The following BSN variants were observed in gnomAD, a reference collection of about 807,000 sequenced individuals.
BSN encodes bassoon presynaptic cytomatrix protein.
BSN carries 57 observed loss-of-function variants against 264.8 expected under a neutral mutation model. The observed-to-expected ratio is 0.22, with a 90% CI of 0.17 to 0.27. The LOEUF (loss-of-function observed/expected upper bound fraction) is 0.27, where lower values mean the gene tolerates loss of function less well. BSN is among the 10% of genes least tolerant of loss of function. BSN has a pLI of 1.00. For synonymous variants in BSN, 2,059 were observed against 2,137.3 expected, an observed-to-expected ratio of 0.96 and a Z score of 1.01; for missense variants, 4,615 against 5,232.5, an observed-to-expected ratio of 0.88 and a Z score of 3.64.
rs1441418072 is a variant in BSN at position 49,652,261 on chromosome 3, C to G, written c.2705C>G (p.Thr902Ser). Residue 902 changes from threonine to serine, a missense_variant, in exon 5 of 12, where the codon ACC becomes AGC. This residue lies in a region of BSN where 1,197 missense variants were observed against 1,348.0 expected (regional missense o/e 0.89). Transcript: ENST00000296452. ...AAGAGGCGCCTGCCCCACAATGCCACCACGGGCTATGAGGAGCTGCTCCCT... is the reference window on the plus strand; with the variant it reads ...AAGAGGCGCCTGCCCCACAATGCCAGCACGGGCTATGAGGAGCTGCTCCCT... ...LPKRRLPHNA[T>S]TGYEELLPEG... 6.2e-7 allele frequency: 1 copy of G among 1,603,010 alleles called. No individual in the cohort carries two copies. Among genetic ancestry groups the G allele is most frequent in the African/African-American group, 1.3e-5 (1 of 74,554 alleles).
Position 49,654,292 on chromosome 3 carries a change from C to T in BSN, c.4736C>T (p.Ser1579Phe). The T allele has an allele frequency of 1.9e-6, 3 of 1,613,684 alleles. No homozygotes were observed. Among genetic ancestry groups the T allele is most frequent in the Middle Eastern group, 1.7e-4 (1 of 6,060 alleles). ...TRMVHASAST[S>F]PLCSPTETQP... Reference sequence around the variant, plus strand: ...ATGGTACATGCCAGTGCCTCCACCTCCCCGCTCTGCTCACCTACTGAAACC... The same window carrying T: ...ATGGTACATGCCAGTGCCTCCACCTTCCCGCTCTGCTCACCTACTGAAACC... The change falls in exon 5 of 12, where the codon TCC becomes TTC. Residue 1579 changes from serine (S) to phenylalanine (F), a missense_variant. By Grantham distance (155) the Ser-to-Phe change is radical (BLOSUM62 -2). Around this residue, in one of 3 missense-constraint regions of BSN, gnomAD observed 3,415 missense variants for 3,866.4 expected, o/e 0.88. Transcript: ENST00000296452. This position sits in a 1 kb window ranked among gnomAD's most constrained non-coding sequence, Gnocchi z 4.1.
At chr3:49,589,155 G>A (rs1016551324) in intron 1 of BSN, among the ~76,000 whole-genome samples, 3 of 146,320 alleles carry the variant, frequency 2.1e-5, no homozygotes, top group East Asian at 4.1e-4. Context: ...CTTGTGATCC[G>A]CCCGCCTCGG....
intron 1 of BSN, among the ~76,000 whole-genome samples, chr3:49,579,666 C>A (rs2051879415): frequency 6.6e-6 from 1 of 151,990 alleles, no homozygotes; most frequent in Non-Finnish European, 1.5e-5. Flanking sequence ...CATGATCCAC[C>A]AGCCTCGGCC....
At chr3:49,636,255 C>T (rs918004380) in intron 2 of BSN, among the ~76,000 whole-genome samples, 1 of 152,000 alleles carries the variant, frequency 6.6e-6, no homozygotes, top group South Asian at 2.1e-4. Context: ...GATAAAGGGG[C>T]CTGGAGGGAG....
chr3:49,592,804 T>G (rs1405543197), intron 1 of BSN, among the ~76,000 whole-genome samples: 1 of 152,052 alleles, frequency 6.6e-6, no homozygotes, highest in African/African-American at 2.4e-5. Context: ...TTTGCCCAAT[T>G]TTTCGCAGTG....
At chr3:49,589,766 C>T (rs1047550500) in intron 1 of BSN, among the ~76,000 whole-genome samples, 1 of 151,258 alleles carries the variant, frequency 6.6e-6, no homozygotes, top group African/African-American at 2.4e-5. Context: ...CTTTGGCCTC[C>T]TGAAGTGCTG....
rs1394689106 is a variant in BSN, at chr3:49,625,749, A to G, written c.633+366A>G. On this transcript the variant is annotated intron_variant, in intron 2 of 11. Coordinates refer to ENST00000296452, the MANE Select transcript of BSN (RefSeq NM_003458.4). The surrounding 1 kb of genome is among the most constrained non-coding windows in gnomAD (Gnocchi z 4.4). ...GGAGTGGGCCATGAGCAGCTCTAGG[A>G]CACAGAGGGAGGCAAATTTCCCTGA... 2.0e-5 allele frequency among the ~76,000 whole-genome samples: 3 copies of G among 152,226 alleles called. No homozygotes were observed. Among genetic ancestry groups the G allele is most frequent in the Non-Finnish European group, 4.4e-5 (3 of 68,032 alleles).
chr3:49,628,768 G>C (rs1394520434), intron 2 of BSN, among the ~76,000 whole-genome samples: 1 of 152,200 alleles, frequency 6.6e-6, no homozygotes. Flanking sequence ...TGGAGCAAAA[G>C]AGCTGTGGAT....
chr3:49,557,511 G>A (rs1446896180), intron 1 of BSN, among the ~76,000 whole-genome samples: 1 of 151,884 alleles, frequency 6.6e-6, no homozygotes, highest in Non-Finnish European at 1.5e-5. Context: ...ATTACACGAA[G>A]GAGCCATGTA....
chr3:49,614,656 A>G (rs559620306), intron 1 of BSN, among the ~76,000 whole-genome samples: 20 of 152,220 alleles, frequency 1.3e-4, no homozygotes, highest in Non-Finnish European at 2.1e-4. Context: ...TGACAAGTCC[A>G]TGGCCTTTGT....
intron 1 of BSN, among the ~76,000 whole-genome samples, chr3:49,594,259 C>G (rs919318130): frequency 6.6e-6 from 1 of 152,146 alleles, no homozygotes; most frequent in African/African-American, 2.4e-5. Context: ...CTTTTAGTAT[C>G]AAGTCTAAGA....
At chr3:49,614,498 C>T (rs558157800) in intron 1 of BSN, among the ~76,000 whole-genome samples, 16 of 152,250 alleles carry the variant, frequency 1.1e-4, no homozygotes, top group Non-Finnish European at 1.5e-4. Flanking sequence ...CAAAGGTAAA[C>T]GCCACATGAA....
At chr3:49,665,183 T>C in intron 10 of BSN, 46 bp from the exon 11 acceptor site, 1 of 247,880 alleles carries the variant, frequency 4.0e-6, no homozygotes, top group South Asian at 1.0e-4. Flanking sequence ...TAGGTAGGCC[T>C]CCAGGGATGC....
Position 49,658,104 on chromosome 3 carries a change from C to T in BSN, c.8548C>T (p.Leu2850=). The change falls in exon 5 of 12, where the codon CTG becomes TTG. Residue 2850 remains leucine, a synonymous_variant. Transcript: ENST00000296452. ...PRPMKTLQRS[L]SDPKPLSPTA... ...CCCCATGAAGACCCTGCAGCGGTCC[C>T]TGTCTGACCCTAAGCCCCTCAGCCC... 1.2e-6 allele frequency: 2 copies of T among 1,613,086 alleles called. No individual in the cohort carries two copies. Among genetic ancestry groups the T allele is most frequent in the Non-Finnish European group, 1.7e-6 (2 of 1,179,864 alleles).
chr3:49,592,580 C>T (rs1467477037), intron 1 of BSN, among the ~76,000 whole-genome samples: 1 of 150,698 alleles, frequency 6.6e-6, no homozygotes, highest in Admixed American at 6.6e-5. Context: ...GGTGAAACCC[C>T]GTCTCTACTA....
At chr3:49,554,888 C>G in intron 1 of BSN, 62 bp downstream of exon 1, 1 of 1,025,462 alleles carries the variant, frequency 9.8e-7, no homozygotes, top group Non-Finnish European at 1.2e-6. Flanking sequence ...GGACCCGGGC[C>G]CAGGATCCCG....
chr3:49,613,937 A>G (rs2052234469), intron 1 of BSN, among the ~76,000 whole-genome samples: 1 of 151,978 alleles, frequency 6.6e-6, no homozygotes, highest in Admixed American at 6.6e-5. Flanking sequence ...TAAGACATAC[A>G]TGGAGATGCT....
intron 3 of BSN, among the ~76,000 whole-genome samples, chr3:49,649,231 G>T (rs891219361): frequency 6.6e-6 from 1 of 152,240 alleles, no homozygotes; most frequent in Non-Finnish European, 1.5e-5. Flanking sequence ...CCTTCCTGGG[G>T]GTGGCAAGGG....
At chr3:49,607,421 C>T (rs563102920) in intron 1 of BSN, among the ~76,000 whole-genome samples, 6 of 152,320 alleles carry the variant, frequency 3.9e-5, no homozygotes, top group African/African-American at 1.4e-4. Context: ...CCTCAGAGCA[C>T]TTGCCCTTCT....
Sources: allele counts gnomAD v4.1 joint callset (sites outside exome capture counted in the v4.1 genomes callset), GRCh38; gene constraint gnomAD v4.1.1; regional missense constraint gnomAD v4.1.1; non-coding constraint Gnocchi (gnomAD v3.1); transcripts MANE v1.5; gene names NCBI Gene and HGNC (gene_info 2026-07-23, HGNC 2026-07-21).